The following FAM117A variants were observed in gnomAD, a reference collection of about 807,000 sequenced individuals.
FAM117A encodes the protein protein FAM117A.
In FAM117A, 21 loss-of-function variants were observed where a neutral mutation model predicts 44.1. That is an observed-to-expected ratio of 0.48 (90% confidence interval 0.34 to 0.69). FAM117A has a LOEUF of 0.69. Ranked by LOEUF, FAM117A falls within the 30% of genes least tolerant of loss-of-function variation. FAM117A has a pLI of 0.01. For synonymous variants in FAM117A, 220 were observed against 238.3 expected (o/e 0.92, Z 0.71); for missense variants, 498 against 589.9 (o/e 0.84, Z 1.61).
chr17:49,788,835 A>T (rs150479573), upstream of FAM117A: 1 of 1,586,380 alleles, frequency 6.3e-7, no homozygotes, highest in African/African-American at 1.4e-5. Flanking sequence ...GCCGCCGGCA[A>T]TGCCGCGAAG....
At chr17:49,718,838 A>G (rs2143700343) in intron 5 of FAM117A, among the ~76,000 whole-genome samples, 1 of 151,566 alleles carries the variant, frequency 6.6e-6, no homozygotes, top group African/African-American at 2.4e-5. Flanking sequence ...TTACCTGGGC[A>G]TGGTGGCGCA....
At chr17:49,761,004 A>ATACC in intron 1 of FAM117A, among the ~76,000 whole-genome samples, 1 of 152,368 alleles carries the variant, frequency 6.6e-6, no homozygotes, top group African/African-American at 2.4e-5. Context: ...TTACGAAGAC[A>ATACC]TACCTTATGA....
At chr17:49,768,032 G>C (rs2073750410), upstream of FAM117A, among the ~76,000 whole-genome samples, 1 of 152,024 alleles carries the variant, frequency 6.6e-6, no homozygotes. Context: ...GCATGCTCTT[G>C]GGATGTCCAC....
chr17:49,717,572 G>T lies in FAM117A; in HGVS notation c.851C>A (p.Ala284Asp). 1 of 1,614,166 alleles carries T rather than the reference G, an allele frequency of 6.2e-7. No individual in the cohort carries two copies. The highest frequency in any genetic ancestry group is 8.5e-7 in the Non-Finnish European group (1 of 1,180,018). ...GGCACCCCGATGTTCCTCATGACTGGCCAGGCCACAAGGCTGGGGAGATGC... is the reference window on the plus strand; with the variant it reads ...GGCACCCCGATGTTCCTCATGACTGTCCAGGCCACAAGGCTGGGGAGATGC... ...SLASPQPCGL[A>D]SHEEHRGAAE... The change falls in exon 6 of 8, where the codon GCC (alanine) becomes GAC (aspartate). Residue 284 changes from alanine to aspartate, a missense_variant. Transcript: ENST00000240364.
intron 7 of FAM117A, among the ~76,000 whole-genome samples, chr17:49,711,776 G>C (rs1244418551): frequency 6.6e-6 from 1 of 152,194 alleles, no homozygotes; most frequent in East Asian, 1.9e-4. Context: ...AGGAGGGATT[G>C]AAGCTAGACA....
At chr17:49,734,446 C>G (rs1425981411) in intron 1 of FAM117A, among the ~76,000 whole-genome samples, 1 of 149,054 alleles carries the variant, frequency 6.7e-6, no homozygotes, top group South Asian at 2.1e-4. Context: ...AAAAAAATTA[C>G]CCGGGCTTGG....
chr17:49,774,548 C>T (rs772906794), intron 1 of FAM117A, among the ~76,000 whole-genome samples: 21 of 151,962 alleles, frequency 1.4e-4, no homozygotes, highest in Non-Finnish European at 2.5e-4. Context: ...TTAGTAGAGA[C>T]GGGGTTTCAC....
chr17:49,788,870 G>A, upstream of FAM117A: 5 of 1,580,478 alleles, frequency 3.2e-6, no homozygotes, highest in South Asian at 2.3e-5. Flanking sequence ...GGAGAGGAGG[G>A]ATGGCGGGTT....
intron 4 of FAM117A, 79 bp downstream of exon 4, chr17:49,720,247 G>T: frequency 8.6e-7 from 1 of 1,157,480 alleles, no homozygotes; most frequent in Non-Finnish European, 1.3e-6. Flanking sequence ...GCAGTTCCAA[G>T]ACCCAGGAAA....
At chr17:49,749,497 A>AGGTC (rs1378817244) in intron 1 of FAM117A, among the ~76,000 whole-genome samples, 18 of 145,364 alleles carry the variant, frequency 1.2e-4, no homozygotes, top group Non-Finnish European at 2.0e-4. Context: ...GAATCGCCTG[A>AGGTC]ATCTGGGAGG....
At position 49,717,576 on chromosome 17, in the gene FAM117A, G is replaced by A. The variant is rs746677090; in HGVS notation, c.847C>T (p.Leu283=). 6 of 1,614,050 alleles carry A rather than the reference G, an allele frequency of 3.7e-6. No individual in the cohort carries two copies. In the Admixed American group the frequency reaches 1.0e-4, roughly 27 times the overall value. ...CCCCGATGTTCCTCATGACTGGCCAGGCCACAAGGCTGGGGAGATGCCAAG... is the reference window on the plus strand; with the variant it reads ...CCCCGATGTTCCTCATGACTGGCCAAGCCACAAGGCTGGGGAGATGCCAAG... ...MSLASPQPCG[L]ASHEEHRGAA... Residue 283 remains leucine, a synonymous_variant, in exon 6 of 8, where the codon CTG becomes TTG. Transcript: ENST00000240364.
At chr17:49,768,337 G>A (rs879778268), upstream of FAM117A, among the ~76,000 whole-genome samples, 29 of 152,188 alleles carry the variant, frequency 1.9e-4, no homozygotes, top group Admixed American at 1.9e-3. Flanking sequence ...TTATGCCACA[G>A]GAACCAACAA....
At chr17:49,747,340 C>T (rs1005488322) in intron 1 of FAM117A, 1 of 152,174 alleles carries the variant, frequency 6.6e-6, no homozygotes, top group Non-Finnish European at 1.5e-5. Flanking sequence ...ATCAAGTAGA[C>T]ATGAACACTC....
intron 1 of FAM117A, among the ~76,000 whole-genome samples, chr17:49,786,040 A>G (rs889298053): frequency 6.6e-6 from 1 of 152,212 alleles, no homozygotes. Flanking sequence ...TTTTTTAAAA[A>G]AAGAAGAAGA....
chr17:49,786,399 T>C (rs1343077103), intron 1 of FAM117A, among the ~76,000 whole-genome samples: 2 of 152,200 alleles, frequency 1.3e-5, no homozygotes, highest in Non-Finnish European at 2.9e-5. Context: ...GCGCTATACA[T>C]TCAGAGACTG....
chr17:49,740,632 AT>A (rs1377807131), intron 1 of FAM117A, among the ~76,000 whole-genome samples: 1 of 152,188 alleles, frequency 6.6e-6, no homozygotes, highest in African/African-American at 2.4e-5. Context: ...TGCTGATGAG[AT>A]TGAAGTGAGC....
chr17:49,719,240 A>G (rs901927717), intron 5 of FAM117A, among the ~76,000 whole-genome samples: 3 of 152,118 alleles, frequency 2.0e-5, no homozygotes, highest in Non-Finnish European at 2.9e-5. Context: ...CAGCCTGGGC[A>G]ACAAGAGTGA....
At chr17:49,739,667 T>C (rs1355684327) in intron 1 of FAM117A, among the ~76,000 whole-genome samples, 3 of 152,218 alleles carry the variant, frequency 2.0e-5, no homozygotes, top group Non-Finnish European at 4.4e-5. Context: ...GAAGATGAAC[T>C]GGTTTCATTT....
chr17:49,722,577 T>C lies in FAM117A; in HGVS notation c.384A>G (p.Gln128=). Residue 128 remains glutamine (Q), a synonymous_variant, in exon 3 of 8, where the codon CAA becomes CAG. Transcript: ENST00000240364. ...AACTGGCACGCTCACCTTCTAGCTC[T>C]TGCCAGGACAGGGGCGTCTGCAGGG... ...DKATQTPLSW[Q]ELEGERASSC... 6.2e-7 allele frequency: 1 copy of C among 1,613,526 alleles called. No individual in the cohort carries two copies. Among genetic ancestry groups the C allele is most frequent in the Non-Finnish European group, 8.5e-7 (1 of 1,179,568 alleles).
Sources: allele counts gnomAD v4.1 joint callset (sites outside exome capture counted in the v4.1 genomes callset), GRCh38; gene constraint gnomAD v4.1.1; transcripts MANE v1.5; gene names NCBI Gene and HGNC (gene_info 2026-07-23, HGNC 2026-07-21).